The following TARS3 variants were observed in gnomAD, a reference collection of about 807,000 sequenced individuals.
TARS3 encodes the protein threonyl-tRNA synthetase 3, also known as threonine--tRNA ligase 2, cytoplasmic.
TARS3 carries 94 observed loss-of-function variants against 103.5 expected under a neutral mutation model. The ratio of observed to expected loss-of-function variants is 0.91; its 90% CI spans 0.77 to 1.08. TARS3 has a LOEUF of 1.08. TARS3 is among the 50% of genes least tolerant of loss of function. TARS3 has a pLI of 0.00. For missense variants in TARS3, 952 were observed against 995.2 expected (o/e 0.96, Z 0.58); for synonymous variants, 416 against 355.4 (o/e 1.17, Z -1.92).
At chr15:101,724,008 C>T (rs1900630614) in intron 1 of TARS3, 83 bp downstream of exon 1, 2 of 1,249,048 alleles carry the variant, frequency 1.6e-6, no homozygotes, top group Non-Finnish European at 2.1e-6. Context: ...CCGCACCTGC[C>T]CCCGCAGTTG....
chr15:101,685,109 T>C (rs1163396850), intron 11 of TARS3, among the ~76,000 whole-genome samples: 1 of 152,210 alleles, frequency 6.6e-6, no homozygotes, highest in Admixed American at 6.5e-5. Flanking sequence ...TCATCTTCAC[T>C]TAAAAGGGCA....
intron 4 of TARS3, 145 bp from the exon 5 acceptor site, chr15:101,712,146 C>T (rs377489729): frequency 2.1e-5 from 18 of 842,800 alleles, no homozygotes; most frequent in Admixed American, 2.9e-5. Context: ...GGAAAATCTT[C>T]GATGCCCACT....
intron 3 of TARS3, among the ~76,000 whole-genome samples, chr15:101,719,703 A>G (rs1055092800): frequency 1.3e-5 from 2 of 152,240 alleles, no homozygotes; most frequent in Admixed American, 1.3e-4. Flanking sequence ...TCCTGACTGC[A>G]GGCAGGCCCA....
At chr15:101,691,599 A>G (rs1898727214) in intron 10 of TARS3, among the ~76,000 whole-genome samples, 1 of 152,154 alleles carries the variant, frequency 6.6e-6, no homozygotes, top group Non-Finnish European at 1.5e-5. Context: ...TTCTTCAATA[A>G]ATTTTATTTC....
rs183480336 is a variant in TARS3 at position 101,674,584 on chromosome 15, A to T, written c.1788+1016T>A. Among the ~76,000 whole-genome samples, 80 of 152,178 alleles carry T rather than the reference A, an allele frequency of 5.3e-4. 1 individual carries two copies. Among genetic ancestry groups the T allele is most frequent in the Admixed American group, 4.3e-3 (66 of 15,280 alleles). ...CACTTTGGGAGGCCGAGGCAGGAGG[A>T]TCAGGAGGTCAGGAGATCGAGACCA... On this transcript the variant is annotated intron_variant, in intron 13 of 18. Transcript: ENST00000335968.
chr15:101,714,849 T>C lies in TARS3; in HGVS notation c.681A>G (p.Glu227=). 6.2e-7 allele frequency: 1 copy of C among 1,604,642 alleles called. No homozygotes were observed. The highest frequency in any genetic ancestry group is 8.5e-7 in the Non-Finnish European group (1 of 1,174,728). Residue 227 remains glutamate, a synonymous_variant, in exon 4 of 19, where the codon GAA becomes GAG. Coordinates refer to ENST00000335968, the MANE Select transcript of TARS3 (RefSeq NM_152334.3). ...SLELLTFDNE[E]AQAVYWHSSA... The stretch of plus-strand genomic sequence containing the variant: ...GTTTTTAAATACTCACAGCTTGAGC[T>C]TCCTCATTATCAAATGTAAGCAGCT...
chr15:101,721,470 T>C, intron 2 of TARS3, 148 bp from the exon 3 acceptor site: 1 of 603,084 alleles, frequency 1.7e-6, no homozygotes, highest in Non-Finnish European at 2.8e-6. Flanking sequence ...GATTTTGTTG[T>C]TGTTGTTGTT....
intron 18 of TARS3, chr15:101,656,082 G>C (rs1324215229): frequency 2.3e-6 from 3 of 1,280,658 alleles, no homozygotes; most frequent in South Asian, 1.2e-5. Flanking sequence ...AGCAAGACAG[G>C]AACGAGAAAT....
chr15:101,724,253 C>A lies in TARS3; in HGVS notation c.135G>T (p.Ala45=), dbSNP rs1900655459. The A allele has an allele frequency of 2.6e-6, 4 of 1,560,078 alleles. No individual in the cohort carries two copies. The highest frequency in any genetic ancestry group is 3.4e-6 in the Non-Finnish European group (4 of 1,160,026). ...CCTCCCGCGTGAGGCACGGCCCCTC[C>A]GCCTGGCAGCTGTAGGGCGCGTTCA... is the stretch of plus-strand genomic sequence containing the variant. The part of the protein sequence containing the change: ...EQLNAPYSCQ[A]EGPCLTREVA... Residue 45 remains alanine (A), a synonymous_variant, in exon 1 of 19, where the codon GCG becomes GCT. Transcript: ENST00000335968.
At chr15:101,657,090 A>G in intron 17 of TARS3, 54 bp from the exon 18 acceptor site, 1 of 1,194,118 alleles carries the variant, frequency 8.4e-7, no homozygotes, top group Non-Finnish European at 1.2e-6. Flanking sequence ...AGCCTCCAAG[A>G]AGACCCCGTT....
chr15:101,684,353 CT>C, intron 11 of TARS3, 116 bp from the exon 12 acceptor site: 1 of 1,032,150 alleles, frequency 9.7e-7, no homozygotes, highest in South Asian at 2.6e-5. Context: ...TATTCTAGTT[CT>C]TAGATCACCA....
chr15:101,653,672 AT>A lies in TARS3; in HGVS notation c.*909del, dbSNP rs1423223793. ...AGGAAGTTAACTAAATGATCAGTAT[AT>A]TGAAAAGAGATTATTTCTTACATTT... On this transcript the variant is annotated 3_prime_UTR_variant, in exon 19 of 19. Coordinates refer to ENST00000335968, the MANE Select transcript of TARS3 (RefSeq NM_152334.3). 16 of 152,372 alleles carry A rather than the reference AT, an allele frequency of 1.1e-4. No individual in the cohort carries two copies. Among genetic ancestry groups the A allele is most frequent in the African/African-American group, 2.9e-4 (12 of 41,578 alleles). 9.4% of individuals were successfully genotyped at this position (152,372 alleles called of 1,614,324 possible).
intron 8 of TARS3, among the ~76,000 whole-genome samples, chr15:101,703,552 T>G (rs1899389725): frequency 6.6e-6 from 1 of 151,932 alleles, no homozygotes. Context: ...ATCACACCAC[T>G]GCACTCCAGC....
intron 3 of TARS3, among the ~76,000 whole-genome samples, chr15:101,716,526 C>T (rs1900166458): frequency 2.0e-5 from 3 of 152,150 alleles, no homozygotes; most frequent in African/African-American, 7.2e-5. Flanking sequence ...TCTTCCCTAA[C>T]AGGAGACAGA....
At chr15:101,674,699 G>A (rs755764493) in intron 13 of TARS3, among the ~76,000 whole-genome samples, 13 of 151,964 alleles carry the variant, frequency 8.6e-5, no homozygotes, top group East Asian at 3.9e-4. Flanking sequence ...CCAGCTACTC[G>A]GGACGCTGAG....
At chr15:101,664,309 C>T (rs977319867) in intron 15 of TARS3, 12 of 152,262 alleles carry the variant, frequency 7.9e-5, no homozygotes, top group African/African-American at 2.9e-4. Flanking sequence ...TCTGATGGCC[C>T]TAAGCAATTT....
intron 12 of TARS3, among the ~76,000 whole-genome samples, chr15:101,676,601 C>T (rs761320780): frequency 3.3e-5 from 5 of 151,972 alleles, no homozygotes; most frequent in Non-Finnish European, 7.4e-5. Flanking sequence ...CGGGTTCAAG[C>T]GGTTCTCATG....
intron 15 of TARS3, among the ~76,000 whole-genome samples, chr15:101,668,460 G>C (rs1049548358): frequency 6.6e-6 from 1 of 152,058 alleles, no homozygotes; most frequent in Non-Finnish European, 1.5e-5. Context: ...AATTATAAGA[G>C]TAATATCAAA....
chr15:101,710,074 T>C (rs1187508444), intron 5 of TARS3, among the ~76,000 whole-genome samples: 1 of 152,198 alleles, frequency 6.6e-6, no homozygotes, highest in Non-Finnish European at 1.5e-5. Flanking sequence ...GGCTAGAGAT[T>C]GGGTTATCAC....
Sources: gnomAD v4.1 joint callset for allele counts (sites outside exome capture counted in the v4.1 genomes callset) on GRCh38, gnomAD v4.1.1 for gene constraint, MANE v1.5 for transcripts, NCBI Gene and HGNC (gene_info 2026-07-23, HGNC 2026-07-21) for gene names.